AGK: variants seen among roughly 807,000 people sequenced by gnomAD.
AGK encodes acylglycerol kinase.
A neutral mutation model predicts 66.4 loss-of-function variants in AGK; 52 were observed. That is an observed-to-expected ratio of 0.78 (90% CI 0.63 to 0.99). AGK has a LOEUF of 0.99. Ranked by LOEUF, AGK falls within the 50% of genes least tolerant of loss-of-function variation. The pLI, the probability that AGK is intolerant of heterozygous loss-of-function variation, is 0.00. For missense variants in AGK, 451 were observed against 506.6 expected (o/e 0.89, Z 1.05); for synonymous variants, 182 against 181.1 (o/e 1.00, Z -0.04).
chr7:141,652,284 T>C (rs1008248842), intron 15 of AGK: 5 of 155,214 alleles, frequency 3.2e-5, no homozygotes, highest in African/African-American at 1.2e-4. Context: ...AAGGGTTTCA[T>C]AGACTGTAAT....
chr7:141,649,486 A>G (rs1797501087), intron 14 of AGK, among the ~76,000 whole-genome samples, 153 bp downstream of exon 14: 1 of 152,218 alleles, frequency 6.6e-6, no homozygotes, highest in South Asian at 2.1e-4. Flanking sequence ...GCTGACATGT[A>G]GAGTGCCCCT....
chr7:141,586,114 A>T (rs568545394), intron 2 of AGK, among the ~76,000 whole-genome samples: 1 of 152,238 alleles, frequency 6.6e-6, no homozygotes, highest in Non-Finnish European at 1.5e-5. Flanking sequence ...TCTTCTAGCT[A>T]CAGGGCCACT....
chr7:141,564,082 G>A (rs549571233), intron 2 of AGK, among the ~76,000 whole-genome samples: 11 of 152,212 alleles, frequency 7.2e-5, no homozygotes, highest in African/African-American at 1.2e-4. Flanking sequence ...CACTTCAGCC[G>A]CCTGAGAAGC....
intron 15 of AGK, 175 bp from the exon 16 acceptor site, chr7:141,652,607 ACCAGC>A (rs894027250): frequency 1.9e-6 from 1 of 524,218 alleles, no homozygotes; most frequent in Non-Finnish European, 3.3e-6. Flanking sequence ...TGTTTCCAGA[ACCAGC>A]ACTGTGCCCA....
chr7:141,564,213 C>G (rs954708005), intron 2 of AGK, among the ~76,000 whole-genome samples: 2 of 152,156 alleles, frequency 1.3e-5, no homozygotes, highest in African/African-American at 4.8e-5. Context: ...TTATTTTCAC[C>G]AGTTTTATTT....
At chr7:141,585,168 T>TCGGC (rs1363209574) in intron 2 of AGK, among the ~76,000 whole-genome samples, 2 of 152,232 alleles carry the variant, frequency 1.3e-5, no homozygotes, top group Admixed American at 6.5e-5. Flanking sequence ...GGAGATTCTG[T>TCGGC]CGGCCGAAAA....
At chr7:141,617,046 G>A (rs1206154165) in intron 8 of AGK, among the ~76,000 whole-genome samples, 1 of 151,956 alleles carries the variant, frequency 6.6e-6, no homozygotes, top group African/African-American at 2.4e-5. Flanking sequence ...TTTTATTCCC[G>A]GTTTAGAATT....
intron 2 of AGK, among the ~76,000 whole-genome samples, chr7:141,587,031 C>A (rs1241582409): frequency 6.6e-6 from 1 of 152,198 alleles, no homozygotes; most frequent in Non-Finnish European, 1.5e-5. Flanking sequence ...CGGGTTCTCA[C>A]CCCACCTCGG....
chr7:141,593,005 G>C (rs1288574464), intron 2 of AGK, 141 bp from the exon 3 acceptor site: 1 of 693,234 alleles, frequency 1.4e-6, no homozygotes, highest in Non-Finnish European at 2.5e-6. Flanking sequence ...TGCCCGGCCT[G>C]TTATCAGGTT....
At chr7:141,627,439 A>G (rs1324174650) in intron 9 of AGK, among the ~76,000 whole-genome samples, 1 of 152,144 alleles carries the variant, frequency 6.6e-6, no homozygotes, top group Admixed American at 6.5e-5. Context: ...GTTCCCTGAT[A>G]TTTGTGAAAG....
Position 141,596,587 on chromosome 7 carries a change from C to T in AGK, c.167C>T (p.Pro56Leu), listed in dbSNP as rs756320299. The change falls in exon 4 of 16, where the codon CCC becomes CTC. Residue 56 changes from proline to leucine, a missense_variant. By Grantham distance (98) the Pro-to-Leu change is moderately conservative. Coordinates refer to ENST00000649286, the MANE Select transcript of AGK (RefSeq NM_018238.4). ...AQVFGNQLIP[P>L]NAQVKKATVF... ...GTGTTTGGCAATCAACTCATTCCTC[C>T]CAATGCACAAGTGAAGAAGGCCACT... 6.2e-7 allele frequency: 1 copy of T among 1,613,984 alleles called. No homozygotes were observed. The highest frequency in any genetic ancestry group is 8.5e-7 in the Non-Finnish European group (1 of 1,179,962).
rs568689004 is a variant in AGK at position 141,596,565 on chromosome 7, T to G, written c.145T>G (p.Phe49Val). 3.5e-5 allele frequency: 56 copies of G among 1,613,976 alleles called. No homozygotes were observed. The East Asian group carries it at 1.0e-3, about 29-fold the overall frequency. The change falls in exon 4 of 16, where the codon TTT (phenylalanine) becomes GTT (valine). Residue 49 changes from phenylalanine to valine, a missense_variant. By Grantham distance (50) the Phe-to-Val change is conservative. Transcript: ENST00000649286. ...ACTTTGCTCTTTTCTTTTTTAGGTG[T>G]TTGGCAATCAACTCATTCCTCCCAA... is the stretch of plus-strand genomic sequence containing the variant. ...RRAACQEAQV[F>V]GNQLIPPNAQ...
chr7:141,641,542 C>A, intron 12 of AGK, 144 bp downstream of exon 12: 1 of 961,954 alleles, frequency 1.0e-6, no homozygotes, highest in Non-Finnish European at 1.5e-6. Flanking sequence ...CTGTGTGCCA[C>A]CAGAGCAGGC....
At chr7:141,615,697 C>T in intron 8 of AGK, 132 bp downstream of exon 8, 1 of 726,796 alleles carries the variant, frequency 1.4e-6, no homozygotes, top group Non-Finnish European at 2.4e-6. Context: ...GGACCTAGAT[C>T]AGAGTTCAGC....
rs1301821054 is a variant in AGK at position 141,611,206 on chromosome 7, G to A, written c.309G>A (p.Glu103=). ...MDVTIVKTDY[E]GQAKKLLELM... ...CCTTGGTATTTCAGACAGATTATGA[G>A]GGACAAGCCAAGAAACTCCTGGAAC... is the stretch of plus-strand genomic sequence containing the variant. The change falls in exon 6 of 16, where the codon GAG becomes GAA. Residue 103 remains glutamate (E), a synonymous_variant. Transcript: ENST00000649286. 1.2e-6 allele frequency: 2 copies of A among 1,612,620 alleles called. No individual in the cohort carries two copies. The highest frequency in any genetic ancestry group is 1.7e-6 in the Non-Finnish European group (2 of 1,179,132).
In AGK at chr7:141,634,246, A is replaced by G. The variant is rs549765957; in HGVS notation, c.668+266A>G. 3.3e-5 allele frequency among the ~76,000 whole-genome samples: 5 copies of G among 152,334 alleles called. No homozygotes were observed. The East Asian group carries it at 9.7e-4, about 29-fold the overall frequency. On this transcript the variant is annotated intron_variant, in intron 10 of 15. Transcript: ENST00000649286. ...GTATGTCTCTATTTTTAGACACACT[A>G]TTTGAGCATAGGTTAGGCTCAAGCT...
chr7:141,631,007 G>A (rs2116992491), intron 9 of AGK, among the ~76,000 whole-genome samples: 1 of 152,276 alleles, frequency 6.6e-6, no homozygotes, highest in East Asian at 1.9e-4. Flanking sequence ...TCAATACTGA[G>A]TGGATGAGTG....
Position 141,575,654 on chromosome 7 carries a change from CTTTTTTTTTTTTTTT to C in AGK, c.102-17477_102-17463del, listed in dbSNP as rs58292692. Among the ~76,000 whole-genome samples, 163 of 58,248 alleles carry C rather than the reference CTTTTTTTTTTTTTTT, an allele frequency of 2.8e-3. 7 individuals carry two copies. The highest frequency in any genetic ancestry group is 1.2e-3 in the Non-Finnish European group (36 of 30,222). 38.2% of individuals were successfully genotyped at this position (58,248 alleles called of 152,430 possible). A position where few individuals can be genotyped will look rare whatever the true frequency, so the allele number is the denominator to read the frequency against. On this transcript the variant is annotated intron_variant, in intron 2 of 15. Transcript: ENST00000649286. The stretch of plus-strand genomic sequence containing the variant: ...GGGCTTAGATGCCTTTTACAAAGGC[CTTTTTTTTTTTTTTT>C]TTTTTTTTTTTTTTGGGCCTGGCTG...
intron 13 of AGK, among the ~76,000 whole-genome samples, chr7:141,647,084 C>T (rs1275190738): frequency 6.6e-6 from 1 of 150,912 alleles, no homozygotes; most frequent in African/African-American, 2.4e-5. Flanking sequence ...CCCCACCCAG[C>T]CCCACCTCTC....
Sources: allele counts gnomAD v4.1 joint callset (sites outside exome capture counted in the v4.1 genomes callset), GRCh38; gene constraint gnomAD v4.1.1; transcripts MANE v1.5; gene names NCBI Gene and HGNC (gene_info 2026-07-23, HGNC 2026-07-21).